Variants in KRT3 observed in about 807,000 individuals in gnomAD.
KRT3 encodes the protein keratin, type II cytoskeletal 3.
In KRT3, 34 loss-of-function variants were observed where a neutral mutation model predicts 45.8. That is an observed-to-expected ratio of 0.74 (90% CI 0.57 to 0.99). The LOEUF is 0.99. Ranked by LOEUF, KRT3 falls within the 50% of genes least tolerant of loss-of-function variation. The pLI is 0.00. For missense variants in KRT3, 828 were observed against 820.6 expected (o/e 1.01, Z -0.11); for synonymous variants, 367 against 329.0 (o/e 1.12, Z -1.25).
rs1287429274 is a variant in KRT3 at position 52,792,796 on chromosome 12, C to T, written c.938G>A (p.Ser313Asn). 17 of 1,609,552 alleles carry T rather than the reference C, an allele frequency of 1.1e-5. No homozygotes were observed. Among genetic ancestry groups the T allele is most frequent in the African/African-American group, 2.7e-5 (2 of 74,816 alleles). Residue 313 changes from serine to asparagine, a missense_variant, in exon 4 of 9, where the codon AGT (serine) becomes AAT (asparagine). By Grantham distance (46) the Ser-to-Asn change is conservative. Coordinates refer to ENST00000417996, the MANE Select transcript of KRT3 (RefSeq NM_057088.3). ...EFVTLKKDVD[S>N]AYMNKVELQA... The stretch of plus-strand genomic sequence containing the variant: ...AAGCTCCACCTTGTTCATATAGGCA[C>T]TGTCCACATCCTGAGAAAAGAGGAA...
At chr12:52,793,867 C>T (rs1939580851) in intron 2 of KRT3, among the ~76,000 whole-genome samples, 1 of 152,222 alleles carries the variant, frequency 6.6e-6, no homozygotes, top group African/African-American at 2.4e-5. Flanking sequence ...GCTGGGATTA[C>T]AGGCATGAGC....
In KRT3 at chr12:52,794,271, G is replaced by A; in HGVS notation, c.706C>T (p.Gln236Ter). The A allele has an allele frequency of 6.2e-7, 1 of 1,614,188 alleles. No individual in the cohort carries two copies. Among genetic ancestry groups the A allele is most frequent in the Non-Finnish European group, 8.5e-7 (1 of 1,180,030 alleles). Reference protein sequence around the residue: ...LETKWNLLQQQGTSSISGTNN... With the variant: ...LETKWNLLQQ ...GTGCCTGAGATGGAACTTGTGCCCT[G>A]CTGCTGGAGCAGGTTCCACTTGGTC... The change falls in exon 2 of 9, where the codon CAG (glutamine) becomes TAG (stop). Residue 236 changes from glutamine to a stop codon, truncating the protein, a stop_gained. Transcript: ENST00000417996. LOFTEE classifies it high-confidence loss of function.
intron 3 of KRT3, 64 bp from the exon 4 acceptor site, chr12:52,792,870 G>T: frequency 9.5e-7 from 1 of 1,056,574 alleles, no homozygotes; most frequent in Non-Finnish European, 1.5e-6. Context: ...CACAACTGCA[G>T]CAAGAAAGAG....
chr12:52,796,009 C>A lies in KRT3; in HGVS notation c.34G>T (p.Gly12Trp). The A allele has an allele frequency of 1.2e-6, 2 of 1,613,722 alleles. No homozygotes were observed. The highest frequency in any genetic ancestry group is 8.5e-7 in the Non-Finnish European group (1 of 1,179,918). The change falls in exon 1 of 9, where the codon GGG becomes TGG. Residue 12 changes from glycine (G) to tryptophan (W), a missense_variant. Coordinates refer to ENST00000417996, the MANE Select transcript of KRT3 (RefSeq NM_057088.3). Reference sequence around the variant, plus strand: ...GAGCGGCCGGAGAAACCCTGGCTCCCGCCACCAGATGTCTTGCTGGCTTGT... The same window carrying A: ...GAGCGGCCGGAGAAACCCTGGCTCCAGCCACCAGATGTCTTGCTGGCTTGT... Reference protein sequence around the residue: ...SRQASKTSGGGSQGFSGRSAV... With the variant: ...SRQASKTSGGWSQGFSGRSAV...
rs556865872 is a variant in KRT3 at position 52,791,204 on chromosome 12, A to G, written c.1535+2T>C. On this transcript the variant is annotated splice_donor_variant, in intron 7 of 8. Coordinates refer to ENST00000417996, the MANE Select transcript of KRT3 (RefSeq NM_057088.3). LOFTEE classifies it high-confidence loss of function. Reference sequence around the variant, plus strand: ...TGTGGGAAGACGGGACTGGAGGCTCACCTGTACTCCTCGCCCTCCAGCAGC... The same window carrying G: ...TGTGGGAAGACGGGACTGGAGGCTCGCCTGTACTCCTCGCCCTCCAGCAGC... 6.2e-6 allele frequency: 10 copies of G among 1,614,144 alleles called. No individual in the cohort carries two copies. The highest frequency in any genetic ancestry group is 1.7e-4 in the Middle Eastern group (1 of 6,048).
In KRT3 at chr12:52,790,070, G is replaced by A. The variant is rs1320431124; in HGVS notation, c.1859C>T (p.Ser620Phe). ...TCTGGAGTAGCGCTGGGAGGACTGG[G>A]AGGACTGGGAGAACTTGATGCTGCC... ...RGGSIKFSQS[S>F]QSSQRYSR The change falls in exon 9 of 9, where the codon TCC becomes TTC. Residue 620 changes from serine to phenylalanine, a missense_variant. Coordinates refer to ENST00000417996, the MANE Select transcript of KRT3 (RefSeq NM_057088.3). 14 of 1,540,592 alleles carry A rather than the reference G, an allele frequency of 9.1e-6. No homozygotes were observed. The highest frequency in any genetic ancestry group is 2.7e-5 in the African/African-American group (2 of 73,074).
chr12:52,790,887 A>G lies in KRT3; in HGVS notation c.1536-15T>C. 6.3e-7 allele frequency: 1 copy of G among 1,592,222 alleles called. No homozygotes were observed. ...CTCCAGACATCCTGTTTGAGAAAGCAAGAGAAAGTGGGCCCCGTCACAAAG... is the reference window on the plus strand; with the variant it reads ...CTCCAGACATCCTGTTTGAGAAAGCGAGAGAAAGTGGGCCCCGTCACAAAG... On this transcript the variant is annotated splice_polypyrimidine_tract_variant and intron_variant, in intron 7 of 8. Transcript: ENST00000417996.
rs78235280 is a variant in KRT3, at chr12:52,792,608, C to T, written c.1023+103G>A. 1.5e-3 allele frequency: 1,472 copies of T among 1,005,378 alleles called. 19 individuals are homozygous for T. In the African/African-American group the frequency reaches 0.021, roughly 14 times the overall value. 62.3% of individuals were successfully genotyped at this position (1,005,378 alleles called of 1,614,324 possible). On this transcript the variant is annotated intron_variant, in intron 4 of 8. Coordinates refer to ENST00000417996, the MANE Select transcript of KRT3 (RefSeq NM_057088.3). The stretch of plus-strand genomic sequence containing the variant: ...TTCCAAGGGTCCTCATCTCCAGGCT[C>T]ATTCCAGATGTCTTCTGGGGCCTAT...
chr12:52,790,389 C>T, intron 8 of KRT3, 31 bp from the exon 9 acceptor site: 1 of 1,557,952 alleles, frequency 6.4e-7, no homozygotes, highest in Middle Eastern at 1.7e-4. Context: ...CAGCGATCAG[C>T]GACGGCGCCC....
At chr12:52,792,514 T>C (rs1454849279) in intron 4 of KRT3, 111 bp from the exon 5 acceptor site, 13 of 1,157,348 alleles carry the variant, frequency 1.1e-5, no homozygotes, top group Non-Finnish European at 1.7e-5. Flanking sequence ...GCTCCACATG[T>C]GTATCAGCCA....
In KRT3 at chr12:52,794,120, A is replaced by G; in HGVS notation, c.857T>C (p.Phe286Ser). 4 of 1,613,620 alleles carry G rather than the reference A, an allele frequency of 2.5e-6. No individual in the cohort carries two copies. The highest frequency in any genetic ancestry group is 2.5e-6 in the Non-Finnish European group (3 of 1,179,546). ...CTGCCCTGTCACTCACTTCTTCTTG[A>G]AGTCTTCCACCAGGTCCTCCATGTT... ...LKNMEDLVED[F>S]KKKYEDEINK... Residue 286 changes from phenylalanine to serine, a missense_variant, in exon 2 of 9, where the codon TTC (phenylalanine) becomes TCC (serine). By Grantham distance (155) the Phe-to-Ser change is radical. Transcript: ENST00000417996.
In KRT3 at chr12:52,790,099, C is replaced by T; in HGVS notation, c.1830G>A (p.Arg610=). ...ACTGGGAGAACTTGATGCTGCCGCC[C>T]CGGTTGCTGGCCGAGCTGAAGCCCC... is the stretch of plus-strand genomic sequence containing the variant. ...SGGGFSSASN[R]GGSIKFSQSS... The change falls in exon 9 of 9, where the codon CGG becomes CGA. Residue 610 remains arginine (R), a synonymous_variant. Transcript: ENST00000417996. The T allele has an allele frequency of 6.5e-7, 1 of 1,543,052 alleles. No individual in the cohort carries two copies. The highest frequency in any genetic ancestry group is 2.0e-5 in the Admixed American group (1 of 50,978).
chr12:52,793,148 A>T lies in KRT3; in HGVS notation c.927+15T>A. On this transcript the variant is annotated intron_variant, in intron 3 of 8. Transcript: ENST00000417996. The stretch of plus-strand genomic sequence containing the variant: ...TGCAGCTGCAAGCCTCAGAAACCTC[A>T]CACACAGCCCTTACCTTCTTCAGAG... The T allele has an allele frequency of 6.2e-7, 1 of 1,607,110 alleles. No homozygotes were observed. Among genetic ancestry groups the T allele is most frequent in the Non-Finnish European group, 8.5e-7 (1 of 1,175,238 alleles).
At position 52,792,716 on chromosome 12, in the gene KRT3, C is replaced by T. The variant is rs765965552; in HGVS notation, c.1018G>A (p.Asp340Asn). The change falls in exon 4 of 9, where the codon GAC (aspartate) becomes AAC (asparagine). Residue 340 changes from aspartate (D) to asparagine (N), a missense_variant. Transcript: ENST00000417996. ...TTAGTAGGTAACATCCTTACAGCGT[C>T]GTAGAGGGTCCTTAAGAAGTCGATC... is the stretch of plus-strand genomic sequence containing the variant. ...DEIDFLRTLY[D>N]AELSQMQSHI... 18 of 1,605,498 alleles carry T rather than the reference C, an allele frequency of 1.1e-5. No homozygotes were observed. Among genetic ancestry groups the T allele is most frequent in the Non-Finnish European group, 1.5e-5 (17 of 1,172,322 alleles).
intron 7 of KRT3, 25 bp downstream of exon 7, chr12:52,791,181 T>C: frequency 6.2e-7 from 1 of 1,613,974 alleles, no homozygotes; most frequent in Admixed American, 1.7e-5. Context: ...CCAGGGGGTG[T>C]GGGAAGACGG....
Position 52,794,275 on chromosome 12 carries a change from C to A in KRT3, c.702G>T (p.Gln234His). 6.2e-7 allele frequency: 1 copy of A among 1,614,188 alleles called. No homozygotes were observed. Among genetic ancestry groups the A allele is most frequent in the South Asian group, 1.1e-5 (1 of 91,078 alleles). The change falls in exon 2 of 9, where the codon CAG (glutamine) becomes CAT (histidine). Residue 234 changes from glutamine (Q) to histidine (H), a missense_variant. Coordinates refer to ENST00000417996, the MANE Select transcript of KRT3 (RefSeq NM_057088.3). ...KVLETKWNLL[Q>H]QQGTSSISGT... ...CTGAGATGGAACTTGTGCCCTGCTGCTGGAGCAGGTTCCACTTGGTCTCCA... is the reference window on the plus strand; with the variant it reads ...CTGAGATGGAACTTGTGCCCTGCTGATGGAGCAGGTTCCACTTGGTCTCCA...
chr12:52,795,652 A>G lies in KRT3; in HGVS notation c.391T>C (p.Phe131Leu). 1 of 1,587,810 alleles carries G rather than the reference A, an allele frequency of 6.3e-7. No homozygotes were observed. The highest frequency in any genetic ancestry group is 8.5e-7 in the Non-Finnish European group (1 of 1,171,764). ...CCACCAAAGCCACCAGCCCCTCCAA[A>G]GCCACCAGCCCCTCCAAAGCCACCA... is the stretch of plus-strand genomic sequence containing the variant. ...GAGGFGGAGG[F>L]GGAGGFGGPG... The change falls in exon 1 of 9, where the codon TTT becomes CTT. Residue 131 changes from phenylalanine to leucine, a missense_variant. Phe to Leu is a conservative substitution (Grantham distance 22). Transcript: ENST00000417996.
At position 52,790,031 on chromosome 12, in the gene KRT3, A is replaced by T; in HGVS notation, c.*11T>A. ...AGGCGCTGGAGTGGCTGCGATGCTG[A>T]TGCGTGCTCTTTATCTGGAGTAGCG... On this transcript the variant is annotated 3_prime_UTR_variant, in exon 9 of 9. Transcript: ENST00000417996. 5 of 1,537,952 alleles carry T rather than the reference A, an allele frequency of 3.3e-6. No homozygotes were observed. Among genetic ancestry groups the T allele is most frequent in the Non-Finnish European group, 3.5e-6 (4 of 1,146,644 alleles).
At chr12:52,790,475 A>G (rs1371558881) in intron 8 of KRT3, 117 bp from the exon 9 acceptor site, 1 of 1,028,902 alleles carries the variant, frequency 9.7e-7, no homozygotes, top group Non-Finnish European at 1.4e-6. Context: ...AGCTTTGCAC[A>G]GGATGTTCAC....
Sources: allele counts gnomAD v4.1 joint callset (sites outside exome capture counted in the v4.1 genomes callset), GRCh38; gene constraint gnomAD v4.1.1; transcripts MANE v1.5; gene names NCBI Gene and HGNC (gene_info 2026-07-23, HGNC 2026-07-21).